Variants in MBNL1 observed in about 807,000 individuals in gnomAD.
The protein encoded by MBNL1 is muscleblind like splicing regulator 1.
A neutral mutation model predicts 42.2 loss-of-function variants in MBNL1; 8 were observed. The observed-to-expected ratio is 0.19, with a 90% CI of 0.11 to 0.34. The LOEUF is 0.34. MBNL1 is among the 10% of genes least tolerant of loss of function. MBNL1 has a pLI of 1.00. For synonymous variants in MBNL1, 169 were observed against 173.9 expected (o/e 0.97, Z 0.22); for missense variants, 309 against 495.3 (o/e 0.62, Z 3.57).
Position 152,300,262 on chromosome 3 carries a change from G to C in MBNL1, c.69G>C (p.Gln23His). ...WLTLEVCREF[Q>H]RGTCSRPDTE... is the part of the protein sequence containing the mutation. ...CACTGGAAGTATGTAGAGAGTTCCA[G>C]AGGGGGACTTGCTCACGGCCAGACA... The change falls in exon 2 of 10, where the codon CAG becomes CAC. Residue 23 changes from glutamine (Q) to histidine (H), a missense_variant. Coordinates refer to ENST00000324210, the MANE Select transcript of MBNL1 (RefSeq NM_021038.5). 6.2e-7 allele frequency: 1 copy of C among 1,613,956 alleles called. No homozygotes were observed. Among genetic ancestry groups the C allele is most frequent in the Non-Finnish European group, 8.5e-7 (1 of 1,179,884 alleles).
At chr3:152,356,210 A>G (rs1422107614) in intron 2 of MBNL1, among the ~76,000 whole-genome samples, 1 of 151,946 alleles carries the variant, frequency 6.6e-6, no homozygotes, top group African/African-American at 2.4e-5. Flanking sequence ...TAAGATAAAC[A>G]AATATCCCAG....
chr3:152,386,973 A>C (rs16864238), intron 2 of MBNL1, among the ~76,000 whole-genome samples: 2,414 of 152,230 alleles, frequency 0.016, 56 homozygotes, highest in African/African-American at 0.055. Context: ...GGTAAGTTGG[A>C]TCTGGCTACT....
chr3:152,250,763 A>G (rs2034386499), intron 2 of MBNL1, among the ~76,000 whole-genome samples: 1 of 151,576 alleles, frequency 6.6e-6, no homozygotes, highest in South Asian at 2.1e-4. Context: ...GGTTTGTCAT[A>G]GATAGCTCTT....
chr3:152,434,432 A>G (rs1179101609), intron 4 of MBNL1, among the ~76,000 whole-genome samples: 2 of 152,114 alleles, frequency 1.3e-5, no homozygotes, highest in Non-Finnish European at 2.9e-5. Flanking sequence ...TATGTACCAC[A>G]TTTTCTTTAT....
intron 2 of MBNL1, among the ~76,000 whole-genome samples, chr3:152,408,886 A>G (rs560731624): frequency 2.0e-5 from 3 of 152,334 alleles, no homozygotes; most frequent in Non-Finnish European, 1.5e-5. Flanking sequence ...AGTACAATGC[A>G]CAGGACAACT....
chr3:152,338,275 A>C (rs2091845633), intron 2 of MBNL1: 1 of 985,166 alleles, frequency 1.0e-6, no homozygotes. Context: ...GCTCTGTGCC[A>C]ATTGTTCCTC....
At chr3:152,413,449 A>G (rs1319792852) in intron 2 of MBNL1, among the ~76,000 whole-genome samples, 4 of 152,212 alleles carry the variant, frequency 2.6e-5, no homozygotes, top group Admixed American at 1.3e-4. Context: ...GTCCCAGCTC[A>G]TGAGACCTGT....
At chr3:152,296,163 T>G (rs1223003784) in intron 1 of MBNL1, among the ~76,000 whole-genome samples, 1 of 152,092 alleles carries the variant, frequency 6.6e-6, no homozygotes, top group Non-Finnish European at 1.5e-5. Context: ...AAGGATGGAT[T>G]AAGTGCATTA....
chr3:152,443,127 A>G (rs1331219222), intron 4 of MBNL1, among the ~76,000 whole-genome samples: 2 of 151,904 alleles, frequency 1.3e-5, no homozygotes, highest in Non-Finnish European at 2.9e-5. Context: ...TAAATGTTCC[A>G]CAGGAGAGTA....
intron 2 of MBNL1, among the ~76,000 whole-genome samples, chr3:152,317,911 A>G (rs1393693787): frequency 6.6e-6 from 1 of 152,242 alleles, no homozygotes; most frequent in East Asian, 1.9e-4. Flanking sequence ...TTCATGTACA[A>G]CAAGTAGTAT....
intron 4 of MBNL1, among the ~76,000 whole-genome samples, chr3:152,435,942 G>A (rs1050496283): frequency 9.9e-5 from 15 of 152,192 alleles, no homozygotes; most frequent in Middle Eastern, 3.4e-3. Flanking sequence ...GGAGCTTTTG[G>A]GCCGAGACTA....
upstream of MBNL1, chr3:152,264,284 G>A (rs2036817653): frequency 6.6e-6 from 1 of 152,112 alleles, no homozygotes; most frequent in Non-Finnish European, 1.5e-5. Flanking sequence ...CTCAATAAAT[G>A]TTTGTGAAAT....
At chr3:152,344,918 T>C (rs2093979908) in intron 2 of MBNL1, among the ~76,000 whole-genome samples, 1 of 152,142 alleles carries the variant, frequency 6.6e-6, no homozygotes, top group African/African-American at 2.4e-5. Flanking sequence ...ACACCCATGC[T>C]TTTGCTTTTA....
intron 2 of MBNL1, among the ~76,000 whole-genome samples, chr3:152,379,782 T>C (rs1376236362): frequency 6.6e-6 from 1 of 152,104 alleles, no homozygotes; most frequent in Non-Finnish European, 1.5e-5. Context: ...TTTTTCCCTT[T>C]AGTTAAAGAT....
chr3:152,302,978 C>T (rs557159830), intron 2 of MBNL1, among the ~76,000 whole-genome samples: 63 of 149,442 alleles, frequency 4.2e-4, no homozygotes, highest in Non-Finnish European at 6.6e-4. Context: ...AGGTGACTTA[C>T]GTTAATAGCA....
chr3:152,305,038 C>G (rs748769741), intron 2 of MBNL1, among the ~76,000 whole-genome samples: 1 of 152,138 alleles, frequency 6.6e-6, no homozygotes, highest in Non-Finnish European at 1.5e-5. Context: ...TGAAATCTTG[C>G]TTCACTGTGT....
chr3:152,246,904 T>C (rs1454242045), intron 2 of MBNL1, among the ~76,000 whole-genome samples: 1 of 152,088 alleles, frequency 6.6e-6, no homozygotes, highest in African/African-American at 2.4e-5. Context: ...AAGTTGCTCA[T>C]CTATAGAAAT....
chr3:152,392,385 A>G (rs1028223540), intron 2 of MBNL1, among the ~76,000 whole-genome samples: 1 of 152,298 alleles, frequency 6.6e-6, no homozygotes, highest in East Asian at 1.9e-4. Context: ...TTAATGGGAG[A>G]CAGAGTTAAA....
At chr3:152,350,022 G>C (rs1227605872) in intron 2 of MBNL1, among the ~76,000 whole-genome samples, 1 of 152,118 alleles carries the variant, frequency 6.6e-6, no homozygotes, top group Non-Finnish European at 1.5e-5. Flanking sequence ...GACTGATAGT[G>C]CTGTGATAGG....
Sources: allele counts gnomAD v4.1 joint callset (sites outside exome capture counted in the v4.1 genomes callset), GRCh38; gene constraint gnomAD v4.1.1; transcripts MANE v1.5; gene names NCBI Gene and HGNC (gene_info 2026-07-23, HGNC 2026-07-21).